Variants in STOX2 observed in about 807,000 individuals in gnomAD.
STOX2 encodes the protein storkhead box 2, also known as storkhead-box protein 2.
Under a neutral mutation model 60.9 loss-of-function variants are expected in STOX2, and 28 were observed. The ratio of observed to expected loss-of-function variants is 0.46; its 90% CI spans 0.34 to 0.63. STOX2 has a LOEUF of 0.63. Among genes scored for constraint, STOX2 ranks in the 30% least tolerant of loss-of-function variants. The pLI is 0.01. For synonymous variants in STOX2, 472 were observed against 463.9 expected, an observed-to-expected ratio of 1.02 and a Z score of -0.22; for missense variants, 1,024 against 1,187.7, an observed-to-expected ratio of 0.86 and a Z score of 2.03.
At chr4:183,826,921 G>A (rs1739448496) in intron 1 of STOX2, among the ~76,000 whole-genome samples, 1 of 152,168 alleles carries the variant, frequency 6.6e-6, no homozygotes, top group South Asian at 2.1e-4. Context: ...AGCGGTAATG[G>A]TAATAATAGT....
intron 1 of STOX2, among the ~76,000 whole-genome samples, chr4:183,967,447 T>A (rs1008312365): frequency 1.3e-5 from 2 of 151,096 alleles, no homozygotes; most frequent in Non-Finnish European, 2.9e-5. Flanking sequence ...ATGTTTATCA[T>A]CGAGAAAGTG....
At position 183,836,389 on chromosome 4, in the gene STOX2, G is replaced by C. The variant is rs1307056735; in HGVS notation, c.364+38334G>C. Among the ~76,000 whole-genome samples the C allele has an allele frequency of 6.6e-6, 1 of 152,204 alleles. No individual in the cohort carries two copies. The highest frequency in any genetic ancestry group is 1.5e-5 in the Non-Finnish European group (1 of 68,034). On this transcript the variant is annotated intron_variant, in intron 1 of 2. Transcript: ENST00000513034. The surrounding 1 kb of genome is among the most constrained non-coding windows in gnomAD (Gnocchi z 4.1). ...AAATAAACATAAGGAGTGTCACTAC[G>C]TTAGCAGCATAGGCTGTTTTATGCT...
Position 183,825,048 on chromosome 4 carries a change from G to T in STOX2, c.364+26993G>T, listed in dbSNP as rs1399860513. Reference sequence around the variant, plus strand: ...CACACAATCTTGGGCTTGGGGATCGGGGAGGAACATGGTGGATAATCCCTG... The same window carrying T: ...CACACAATCTTGGGCTTGGGGATCGTGGAGGAACATGGTGGATAATCCCTG... On this transcript the variant is annotated intron_variant, in intron 1 of 2. Transcript: ENST00000513034. This position sits in a 1 kb window ranked among gnomAD's most constrained non-coding sequence, Gnocchi z 4.1. Among the ~76,000 whole-genome samples, 1 of 152,178 alleles carries T rather than the reference G, an allele frequency of 6.6e-6. No homozygotes were observed. The highest frequency in any genetic ancestry group is 6.5e-5 in the Admixed American group (1 of 15,282).
chr4:183,851,827 G>A lies in STOX2; in HGVS notation c.364+53772G>A, dbSNP rs1231925695. On this transcript the variant is annotated intron_variant, in intron 1 of 2. Transcript: ENST00000513034. Reference sequence around the variant, plus strand: ...AGAGAAAGGATGAGGGAAAGGATGAGGGAAACGATGAGGGAAAGGATGAGG... The same window carrying A: ...AGAGAAAGGATGAGGGAAAGGATGAAGGAAACGATGAGGGAAAGGATGAGG... 2.2e-4 allele frequency among the ~76,000 whole-genome samples: 21 copies of A among 96,058 alleles called. 1 individual carries two copies. The highest frequency in any genetic ancestry group is 2.3e-4 in the Non-Finnish European group (11 of 47,950). The allele number at this position is 96,058 out of a possible 152,430, so 63.0% of individuals were successfully genotyped here.
chr4:184,010,267 C>G lies in STOX2; in HGVS notation c.1429C>G (p.Arg477Gly), dbSNP rs767334583. Residue 477 changes from arginine (R) to glycine (G), a missense_variant, in exon 3 of 4, where the codon CGG becomes GGG. Arg to Gly is a moderately radical substitution (Grantham distance 125). Coordinates refer to ENST00000308497, the MANE Select transcript of STOX2 (RefSeq NM_020225.3). This position sits in a 1 kb window ranked among gnomAD's most constrained non-coding sequence, Gnocchi z 4.5. ...CCGAAGCCACAGCCATACACAGGACCGGAGGTCCAGGAATGAGAGATCCAA... is the reference window on the plus strand; with the variant it reads ...CCGAAGCCACAGCCATACACAGGACGGGAGGTCCAGGAATGAGAGATCCAA... ...VHRSHSHTQD[R>G]RSRNERSNKA... is the part of the protein sequence containing the mutation. The G allele has an allele frequency of 3.3e-5, 52 of 1,576,468 alleles. No homozygotes were observed. In the East Asian group the frequency reaches 7.5e-4, roughly 23 times the overall value.
intron 1 of STOX2, among the ~76,000 whole-genome samples, chr4:183,889,018 T>C (rs1741146389): frequency 1.3e-5 from 2 of 151,806 alleles, no homozygotes; most frequent in Admixed American, 1.3e-4. Flanking sequence ...CGATGCGTTA[T>C]TGGACCGTCT....
intron 1 of STOX2, among the ~76,000 whole-genome samples, chr4:183,909,490 G>T (rs1273197679): frequency 1.3e-5 from 2 of 152,148 alleles, no homozygotes; most frequent in Non-Finnish European, 2.9e-5. Flanking sequence ...GGTTTTTGTT[G>T]TGGGGAAATT....
intron 1 of STOX2, among the ~76,000 whole-genome samples, chr4:183,895,566 T>C (rs1741321811): frequency 6.6e-6 from 1 of 152,262 alleles, no homozygotes; most frequent in African/African-American, 2.4e-5. Context: ...CATTCATCAC[T>C]ATTTTATATT....
rs1734116032 is a variant in STOX2 at position 184,010,725 on chromosome 4, G to A, written c.1887G>A (p.Leu629=). The change falls in exon 3 of 4, where the codon TTG becomes TTA. Residue 629 remains leucine (L), a synonymous_variant. Coordinates refer to ENST00000308497, the MANE Select transcript of STOX2 (RefSeq NM_020225.3). The surrounding 1 kb of genome is among the most constrained non-coding windows in gnomAD (Gnocchi z 4.5). ...AGGAGGACCATGACACTCTGACTTT[G>A]GCAGAAGGGGTGAAAAAGCTCTCCC... The part of the protein sequence containing the change: ...KNKEDHDTLT[L]AEGVKKLSPS... 4 of 1,599,708 alleles carry A rather than the reference G, an allele frequency of 2.5e-6. No homozygotes were observed. The highest frequency in any genetic ancestry group is 3.4e-6 in the Non-Finnish European group (4 of 1,173,164).
chr4:183,870,394 G>A (rs1413759028), intron 1 of STOX2, among the ~76,000 whole-genome samples: 1 of 152,138 alleles, frequency 6.6e-6, no homozygotes, highest in Non-Finnish European at 1.5e-5. Flanking sequence ...AGATGACTAT[G>A]GTTTTTAGCT....
chr4:183,914,659 A>AGCTTG (rs1415284354), intron 1 of STOX2, among the ~76,000 whole-genome samples: 1 of 152,116 alleles, frequency 6.6e-6, no homozygotes, highest in Non-Finnish European at 1.5e-5. Flanking sequence ...ACACGAGAAT[A>AGCTTG]GCTTGGCTTT....
intron 1 of STOX2, among the ~76,000 whole-genome samples, chr4:183,877,552 C>G (rs957747658): frequency 2.0e-5 from 3 of 152,202 alleles, no homozygotes; most frequent in African/African-American, 7.2e-5. Flanking sequence ...TTTGCATGCT[C>G]TGTATGCGTG....
intron 1 of STOX2, chr4:183,798,536 G>A: frequency 2.4e-6 from 2 of 826,474 alleles, no homozygotes; most frequent in Non-Finnish European, 2.9e-6. Context: ...CCTGGGCGGC[G>A]ACTGCGGGGG....
intron 1 of STOX2, among the ~76,000 whole-genome samples, chr4:183,887,570 T>C (rs1741112861): frequency 6.6e-6 from 1 of 152,214 alleles, no homozygotes. Context: ...GCGCCCTGCA[T>C]GCACGCTCTT....
At chr4:183,924,059 G>A (rs940627331) in intron 1 of STOX2, among the ~76,000 whole-genome samples, 5 of 152,180 alleles carry the variant, frequency 3.3e-5, no homozygotes, top group Non-Finnish European at 5.9e-5. Flanking sequence ...TATTTTCAAA[G>A]CTCTCGAGGT....
intron 1 of STOX2, among the ~76,000 whole-genome samples, chr4:183,890,650 T>C (rs1317802785): frequency 6.6e-6 from 1 of 151,188 alleles, no homozygotes; most frequent in Non-Finnish European, 1.5e-5. Context: ...TGTGAGCCAA[T>C]GTCTGTGCAC....
At chr4:183,976,509 C>A (rs1732451374) in intron 1 of STOX2, among the ~76,000 whole-genome samples, 1 of 137,768 alleles carries the variant, frequency 7.3e-6, no homozygotes, top group Non-Finnish European at 1.6e-5. Flanking sequence ...AGAACGTCCA[C>A]AAAAATCTGC....
At chr4:183,819,645 A>C (rs1579300297) in intron 1 of STOX2, among the ~76,000 whole-genome samples, 1 of 151,782 alleles carries the variant, frequency 6.6e-6, no homozygotes, top group Non-Finnish European at 1.5e-5. Flanking sequence ...TTCTTTTAAA[A>C]TATCATTGCT....
chr4:183,859,760 G>A (rs182791781), intron 1 of STOX2, among the ~76,000 whole-genome samples: 44 of 152,350 alleles, frequency 2.9e-4, no homozygotes, highest in Admixed American at 2.1e-3. Context: ...AAACCCACAT[G>A]TCACTGGGAT....
Sources: gnomAD v4.1 joint callset for allele counts (sites outside exome capture counted in the v4.1 genomes callset) on GRCh38, gnomAD v4.1.1 for gene constraint, Gnocchi (gnomAD v3.1) non-coding constraint, MANE v1.5 for transcripts, NCBI Gene and HGNC (gene_info 2026-07-23, HGNC 2026-07-21) for gene names.